The following SPART variants were observed in gnomAD, a reference collection of about 807,000 sequenced individuals.
The protein encoded by SPART is spartin.
In SPART, 35 loss-of-function variants were observed where a neutral mutation model predicts 58.7. The ratio of observed to expected loss-of-function variants is 0.60; its 90% confidence interval spans 0.46 to 0.79. The LOEUF (loss-of-function observed/expected upper bound fraction) is 0.79, where lower values mean the gene tolerates loss of function less well. SPART is among the 30% of genes least tolerant of loss of function. The pLI, the probability that SPART is intolerant of heterozygous loss-of-function variation, is 0.00. For missense variants in SPART, 730 were observed against 786.1 expected, an observed-to-expected ratio of 0.93 and a Z score of 0.85; for synonymous variants, 284 against 280.7, an observed-to-expected ratio of 1.01 and a Z score of -0.12.
At chr13:36,334,682 G>A (rs921792024) in intron 2 of SPART, among the ~76,000 whole-genome samples, 3 of 152,100 alleles carry the variant, frequency 2.0e-5, no homozygotes, top group Admixed American at 2.0e-4. Flanking sequence ...AATATTTACA[G>A]CTATACATCC....
intron 1 of SPART, among the ~76,000 whole-genome samples, chr13:36,339,295 G>C (rs1205067351): frequency 3.9e-5 from 6 of 151,962 alleles, no homozygotes; most frequent in Non-Finnish European, 7.4e-5. Context: ...AGAAAGCAGA[G>C]CAAAAAGACA....
intron 1 of SPART, among the ~76,000 whole-genome samples, chr13:36,362,953 G>C (rs1885920719): frequency 6.6e-6 from 1 of 152,062 alleles, no homozygotes; most frequent in African/African-American, 2.4e-5. Context: ...CATGGTGAAA[G>C]GCAGAACTGC....
chr13:36,315,284 A>G (rs575949984), intron 5 of SPART, among the ~76,000 whole-genome samples: 36 of 152,232 alleles, frequency 2.4e-4, no homozygotes, highest in Non-Finnish European at 4.7e-4. Flanking sequence ...AAAAGAAAAA[A>G]CATGTAAGAA....
intron 1 of SPART, chr13:36,365,447 C>T: frequency 1.5e-5 from 5 of 338,474 alleles, no homozygotes; most frequent in East Asian, 8.2e-5. Context: ...ATTAATCTTC[C>T]AGACTTTTCT....
chr13:36,326,821 C>A (rs1882983498), intron 4 of SPART, 123 bp from the exon 5 acceptor site: 1 of 1,059,830 alleles, frequency 9.4e-7, no homozygotes, highest in Admixed American at 2.0e-5. Flanking sequence ...ATATCTCCAG[C>A]CAACCTAGTT....
intron 1 of SPART, among the ~76,000 whole-genome samples, chr13:36,336,676 C>A (rs1884040091): frequency 6.6e-6 from 1 of 152,152 alleles, no homozygotes; most frequent in Admixed American, 6.5e-5. Context: ...CCAACAATTC[C>A]ACTTGCAGGT....
chr13:36,321,786 T>G (rs1882430179), intron 5 of SPART, among the ~76,000 whole-genome samples: 1 of 152,196 alleles, frequency 6.6e-6, no homozygotes, highest in South Asian at 2.1e-4. Context: ...CCCCTGTGAC[T>G]TGCACATATA....
At chr13:36,324,824 GTAGA>G (rs372025496) in intron 5 of SPART, among the ~76,000 whole-genome samples, 12 of 152,302 alleles carry the variant, frequency 7.9e-5, no homozygotes, top group Admixed American at 6.5e-5. Flanking sequence ...TAGGATTTGG[GTAGA>G]TAAAGGAAAA....
At chr13:36,338,185 T>C (rs1013858880) in intron 1 of SPART, among the ~76,000 whole-genome samples, 24 of 152,188 alleles carry the variant, frequency 1.6e-4, no homozygotes, top group Admixed American at 1.5e-3. Context: ...CTACTGTATA[T>C]ATACATAAAA....
In SPART at chr13:36,366,983, G is replaced by A. The variant is rs185184252; in HGVS notation, c.-3+3106C>T. Among the ~76,000 whole-genome samples, 82 of 152,304 alleles carry A rather than the reference G, an allele frequency of 5.4e-4. 2 individuals carry two copies. Among genetic ancestry groups the A allele is most frequent in the African/African-American group, 1.9e-3 (77 of 41,568 alleles). Reference sequence around the variant, plus strand: ...TCTAAGGACCCTTAGATCCACCCCAGGAGGAGCGCTAGCTGCTGTTCCCCA... The same window carrying A: ...TCTAAGGACCCTTAGATCCACCCCAAGAGGAGCGCTAGCTGCTGTTCCCCA... On this transcript the variant is annotated intron_variant, in intron 1 of 8. Transcript: ENST00000355182.
chr13:36,365,586 G>A, intron 1 of SPART: 1 of 469,246 alleles, frequency 2.1e-6, no homozygotes, highest in Non-Finnish European at 4.4e-6. Flanking sequence ...ATGGAGCACA[G>A]ATGAAGGATA....
intron 1 of SPART, among the ~76,000 whole-genome samples, chr13:36,361,579 T>C (rs1418370355): frequency 2.0e-5 from 3 of 152,100 alleles, no homozygotes; most frequent in African/African-American, 7.2e-5. Context: ...TAATTTTGTA[T>C]TTTTAGTAGA....
chr13:36,326,847 T>A, intron 4 of SPART, 149 bp from the exon 5 acceptor site: 1 of 813,108 alleles, frequency 1.2e-6, no homozygotes, highest in East Asian at 2.7e-5. Context: ...TATGGTCTTA[T>A]AAAGTACAAT....
intron 8 of SPART, among the ~76,000 whole-genome samples, chr13:36,307,517 C>T (rs916674620): frequency 1.1e-4 from 17 of 151,952 alleles, no homozygotes; most frequent in African/African-American, 3.9e-4. Flanking sequence ...TATTATTAAG[C>T]TTATGTTCCA....
At chr13:36,313,355 C>G (rs1881323480) in intron 6 of SPART, among the ~76,000 whole-genome samples, 1 of 152,206 alleles carries the variant, frequency 6.6e-6, no homozygotes, top group Admixed American at 6.5e-5. Flanking sequence ...TTAAGTCCCA[C>G]TGCCTAGTAA....
chr13:36,320,055 A>G (rs1156248142), intron 5 of SPART, among the ~76,000 whole-genome samples: 1 of 152,040 alleles, frequency 6.6e-6, no homozygotes, highest in East Asian at 1.9e-4. Context: ...AAACAACTTG[A>G]CCTTACTGTT....
intron 5 of SPART, among the ~76,000 whole-genome samples, chr13:36,315,535 A>G (rs1466446786): frequency 6.6e-6 from 1 of 152,200 alleles, no homozygotes; most frequent in African/African-American, 2.4e-5. Flanking sequence ...ATGAAAAGTG[A>G]CATGTAATAA....
chr13:36,340,535 G>T (rs1200398581), intron 1 of SPART, among the ~76,000 whole-genome samples: 1 of 152,004 alleles, frequency 6.6e-6, no homozygotes, highest in Admixed American at 6.6e-5. Flanking sequence ...ATAGAAGAAG[G>T]AAATTATACA....
chr13:36,342,622 C>T (rs114834611), intron 1 of SPART, among the ~76,000 whole-genome samples: 31 of 152,174 alleles, frequency 2.0e-4, no homozygotes, highest in African/African-American at 7.2e-4. Context: ...CCCCTCATCC[C>T]GGTTGTGACA....
Sources: gnomAD v4.1 joint callset for allele counts (sites outside exome capture counted in the v4.1 genomes callset) on GRCh38, gnomAD v4.1.1 for gene constraint, MANE v1.5 for transcripts, NCBI Gene and HGNC (gene_info 2026-07-23, HGNC 2026-07-21) for gene names.